The following CCDC88C variants were observed in gnomAD, a reference collection of about 807,000 sequenced individuals.
The protein encoded by CCDC88C is coiled-coil and HOOK domain protein 88C, also known as protein Daple.
A neutral mutation model predicts 198.8 loss-of-function variants in CCDC88C; 131 were observed. The ratio of observed to expected loss-of-function variants is 0.66; its 90% confidence interval spans 0.57 to 0.76. The LOEUF (loss-of-function observed/expected upper bound fraction) is 0.76. CCDC88C is among the 30% of genes least tolerant of loss of function. The pLI is 0.00. For synonymous variants in CCDC88C, 1,166 were observed against 1,114.7 expected (o/e 1.05, Z -0.92); for missense variants, 2,553 against 2,631.6 (o/e 0.97, Z 0.65).
At chr14:91,416,702 C>T (rs1365250823) in intron 2 of CCDC88C, 36 bp downstream of exon 2, 1 of 1,460,938 alleles carries the variant, frequency 6.8e-7, no homozygotes, top group African/African-American at 1.4e-5. Flanking sequence ...TTCTAACGCA[C>T]CATTCTTTCC....
intron 27 of CCDC88C, 113 bp downstream of exon 27, chr14:91,281,344 C>A: frequency 6.4e-7 from 1 of 1,565,468 alleles, no homozygotes; most frequent in Non-Finnish European, 8.7e-7. Flanking sequence ...CCCCCATTTC[C>A]ACCTTCATTT....
In CCDC88C at chr14:91,416,781, C is replaced by T. The variant is rs1887081518; in HGVS notation, c.118G>A (p.Asp40Asn). Residue 40 changes from aspartate (D) to asparagine (N), a missense_variant, in exon 2 of 30, where the codon GAT (aspartate) becomes AAT (asparagine). Around this residue, in one of 2 missense-constraint regions of CCDC88C, gnomAD observed 1,260 missense variants for 1,412.0 expected, o/e 0.89. Coordinates refer to ENST00000389857, the MANE Select transcript of CCDC88C (RefSeq NM_001080414.4). ...GSQDNLTMYM[D>N]LVDGIFLNQI... ...TTCAAAAAGATGCCGTCCACTAAATCCATGTACATAGTCAGGTTGTCCTGG... is the reference window on the plus strand; with the variant it reads ...TTCAAAAAGATGCCGTCCACTAAATTCATGTACATAGTCAGGTTGTCCTGG... 3.1e-6 allele frequency: 5 copies of T among 1,613,746 alleles called. No homozygotes were observed. Among genetic ancestry groups the T allele is most frequent in the Non-Finnish European group, 4.2e-6 (5 of 1,179,820 alleles).
chr14:91,273,113 C>A lies in CCDC88C; in HGVS notation c.5599G>T (p.Ala1867Ser). ...ARERTPLVGK[A>S]GSSCQGPGPR... Reference sequence around the variant, plus strand: ...CCTGGGCCCTGACAGGAGCTGCCAGCCTTTCCCACAAGTGGGGTCCGCTCC... The same window carrying A: ...CCTGGGCCCTGACAGGAGCTGCCAGACTTTCCCACAAGTGGGGTCCGCTCC... The change falls in exon 30 of 30, where the codon GCT (alanine) becomes TCT (serine). Residue 1867 changes from alanine (A) to serine (S), a missense_variant. Transcript: ENST00000389857. The surrounding 1 kb of genome is among the most constrained non-coding windows in gnomAD (Gnocchi z 5.6). 1.3e-6 allele frequency: 2 copies of A among 1,569,584 alleles called. No homozygotes were observed. Among genetic ancestry groups the A allele is most frequent in the South Asian group, 1.2e-5 (1 of 85,744 alleles).
At position 91,303,759 on chromosome 14, in the gene CCDC88C, T is replaced by C; in HGVS notation, c.3577A>G (p.Ser1193Gly). The change falls in exon 20 of 30, where the codon AGC becomes GGC. Residue 1193 changes from serine (S) to glycine (G), a missense_variant. Physicochemically the swap from Ser to Gly is moderately conservative, Grantham distance 56. Transcript: ENST00000389857. ...AEYEALIRQH[S>G]CLKTLHRNLE... ...TTCCGATGCAGTGTCTTTAGGCAGC[T>C]GTGCTGGCGGATGAGGGCCTCGTAC... 2.5e-6 allele frequency: 4 copies of C among 1,613,072 alleles called. No individual in the cohort carries two copies. The highest frequency in any genetic ancestry group is 1.7e-6 in the Non-Finnish European group (2 of 1,179,574).
chr14:91,284,969 C>G lies in CCDC88C; in HGVS notation c.4442-1452G>C, dbSNP rs752756457. Among the ~76,000 whole-genome samples, 6 of 152,168 alleles carry G rather than the reference C, an allele frequency of 3.9e-5. No homozygotes were observed. The highest frequency in any genetic ancestry group is 7.3e-5 in the Non-Finnish European group (5 of 68,028). Reference sequence around the variant, plus strand: ...GCTGGCCGGCTGGCATTTTCCCTTGCTCGAGGCATGATTTGTGTGCTGATG... The same window carrying G: ...GCTGGCCGGCTGGCATTTTCCCTTGGTCGAGGCATGATTTGTGTGCTGATG... On this transcript the variant is annotated intron_variant, in intron 25 of 29. Coordinates refer to ENST00000389857, the MANE Select transcript of CCDC88C (RefSeq NM_001080414.4). This position sits in a 1 kb window ranked among gnomAD's most constrained non-coding sequence, Gnocchi z 4.1.
chr14:91,335,768 A>G (rs1893021404), intron 10 of CCDC88C, among the ~76,000 whole-genome samples: 1 of 152,212 alleles, frequency 6.6e-6, no homozygotes, highest in African/African-American at 2.4e-5. Flanking sequence ...GGGACAAGGG[A>G]GGGAATCCCA....
Position 91,417,659 on chromosome 14 carries a change from A to T in CCDC88C, c.32T>A (p.Leu11His). Residue 11 changes from leucine (L) to histidine (H), a missense_variant, in exon 1 of 30, where the codon CTC (leucine) becomes CAC (histidine). Coordinates refer to ENST00000389857, the MANE Select transcript of CCDC88C (RefSeq NM_001080414.4). ...GGTCACCAGCGGGCTCTGCAGGAAG[A>T]GCTCCAGGAGCTCCGAGACTGTCAC... is the stretch of plus-strand genomic sequence containing the variant. MDVTVSELLE[L>H]FLQSPLVTWV... 1 of 1,585,914 alleles carries T rather than the reference A, an allele frequency of 6.3e-7. No individual in the cohort carries two copies.
intron 3 of CCDC88C, among the ~76,000 whole-genome samples, chr14:91,405,516 G>A (rs7145368): frequency 5.7e-4 from 87 of 152,134 alleles, no homozygotes; most frequent in African/African-American, 2.0e-3. Context: ...TATAATAACC[G>A]GTTATGTTTG....
At position 91,371,202 on chromosome 14, in the gene CCDC88C, C is replaced by A. The variant is rs769952346; in HGVS notation, c.271-11491G>T. The stretch of plus-strand genomic sequence containing the variant: ...GATATAAGGGCCCTGATTTTATGGC[C>A]GTGAGGGATCGTATGACTGTGACTT... On this transcript the variant is annotated intron_variant, in intron 3 of 29. Transcript: ENST00000389857. The surrounding 1 kb of genome is among the most constrained non-coding windows in gnomAD (Gnocchi z 4.2). 6.6e-6 allele frequency among the ~76,000 whole-genome samples: 1 copy of A among 151,894 alleles called. No individual in the cohort carries two copies. Among genetic ancestry groups the A allele is most frequent in the Admixed American group, 6.6e-5 (1 of 15,262 alleles).
intron 3 of CCDC88C, among the ~76,000 whole-genome samples, chr14:91,401,858 G>A (rs561646777): frequency 3.9e-5 from 6 of 152,236 alleles, no homozygotes; most frequent in Admixed American, 3.9e-4. Context: ...CTTGAATCCT[G>A]TCCCTGCCCA....
In CCDC88C at chr14:91,307,182, C is replaced by T. The variant is rs1258003633; in HGVS notation, c.3051G>A (p.Gly1017=). ...GCTTGAAAGAGTTCTGCAAGTGCTG[C>T]CCCTCTCCCTGGTTCTGCCTGAGGG... ...CETLRQNQGE[G]QHLQNSFKHP... Residue 1017 remains glycine, a synonymous_variant, in exon 18 of 30, where the codon GGG becomes GGA. Coordinates refer to ENST00000389857, the MANE Select transcript of CCDC88C (RefSeq NM_001080414.4). 3 of 1,613,850 alleles carry T rather than the reference C, an allele frequency of 1.9e-6. No individual in the cohort carries two copies. Among genetic ancestry groups the T allele is most frequent in the South Asian group, 2.2e-5 (2 of 91,086 alleles).
intron 18 of CCDC88C, 114 bp from the exon 19 acceptor site, chr14:91,306,040 G>C: frequency 9.7e-7 from 1 of 1,034,458 alleles, no homozygotes; most frequent in East Asian, 2.6e-5. Flanking sequence ...GGGCCAAATC[G>C]AGGGTCCGCT....
chr14:91,403,938 T>C (rs1048564295), intron 3 of CCDC88C, among the ~76,000 whole-genome samples: 2 of 152,156 alleles, frequency 1.3e-5, no homozygotes, highest in African/African-American at 2.4e-5. Flanking sequence ...TCTCAAAAAA[T>C]TAAATTAAAT....
At position 91,272,678 on chromosome 14, in the gene CCDC88C, G is replaced by A; in HGVS notation, c.6034C>T (p.Pro2012Ser). The A allele has an allele frequency of 6.2e-7, 1 of 1,611,716 alleles. No homozygotes were observed. Reference protein sequence around the residue: ...GSVSKSSPASPEPGGDPQTVW... With the variant: ...GSVSKSSPASSEPGGDPQTVW... ...GTCTGCGGATCCCCGCCGGGCTCCG[G>A]GGAGGCCGGACTGCTCTTTGAGACG... is the stretch of plus-strand genomic sequence containing the variant. Residue 2012 changes from proline to serine, a missense_variant, in exon 30 of 30, where the codon CCG (proline) becomes TCG (serine). Coordinates refer to ENST00000389857, the MANE Select transcript of CCDC88C (RefSeq NM_001080414.4).
intron 3 of CCDC88C, among the ~76,000 whole-genome samples, chr14:91,366,762 T>C (rs1288494959): frequency 2.0e-5 from 3 of 152,016 alleles, no homozygotes; most frequent in Non-Finnish European, 2.9e-5. Context: ...GGGGACGGGG[T>C]CCTGGGCGAA....
intron 21 of CCDC88C, among the ~76,000 whole-genome samples, chr14:91,298,481 C>T (rs1891120817): frequency 6.6e-6 from 1 of 151,518 alleles, no homozygotes; most frequent in Non-Finnish European, 1.5e-5. Context: ...CTGCAGTGAG[C>T]CATGATCATG....
intron 15 of CCDC88C, among the ~76,000 whole-genome samples, chr14:91,311,762 G>C (rs1385535961): frequency 6.6e-6 from 1 of 152,120 alleles, no homozygotes; most frequent in Non-Finnish European, 1.5e-5. Context: ...ACCAGGGTAA[G>C]GACAACATGG....
At position 91,339,223 on chromosome 14, in the gene CCDC88C, A is replaced by G; in HGVS notation, c.809+55T>C. The G allele has an allele frequency of 6.3e-7, 1 of 1,594,558 alleles. No homozygotes were observed. Among genetic ancestry groups the G allele is most frequent in the Non-Finnish European group, 8.6e-7 (1 of 1,169,118 alleles). ...CACCACACATGTGAGTCGACACCAC[A>G]CCAGAAACATGTCTGCAACACACAC... On this transcript the variant is annotated intron_variant, in intron 8 of 29. Transcript: ENST00000389857. This position sits in a 1 kb window ranked among gnomAD's most constrained non-coding sequence, Gnocchi z 5.8.
chr14:91,314,973 T>C (rs1158069216), intron 14 of CCDC88C, among the ~76,000 whole-genome samples: 3 of 152,214 alleles, frequency 2.0e-5, no homozygotes, highest in Non-Finnish European at 4.4e-5. Context: ...CCCATCTCTA[T>C]TAAACAAAAG....
Sources: gnomAD v4.1 joint callset for allele counts (sites outside exome capture counted in the v4.1 genomes callset) on GRCh38, gnomAD v4.1.1 for gene constraint, gnomAD v4.1.1 regional missense constraint, Gnocchi (gnomAD v3.1) non-coding constraint, MANE v1.5 for transcripts, NCBI Gene and HGNC (gene_info 2026-07-23, HGNC 2026-07-21) for gene names.